Variants in NCOA3 observed in about 807,000 individuals in gnomAD.
The protein encoded by NCOA3 is nuclear receptor coactivator 3, also known as CBP-interacting protein.
A neutral mutation model predicts 158.8 loss-of-function variants in NCOA3; 51 were observed. The observed-to-expected ratio is 0.32, with a 90% CI of 0.26 to 0.41. NCOA3 has a LOEUF of 0.41. Among genes scored for constraint, NCOA3 ranks in the 10% least tolerant of loss-of-function variants. The pLI, the probability that NCOA3 is intolerant of heterozygous loss-of-function variation, is 1.00. For missense variants in NCOA3, 1,510 were observed against 1,746.6 expected (o/e 0.86, Z 2.41); for synonymous variants, 537 against 592.4 (o/e 0.91, Z 1.36).
chr20:47,544,135 A>C (rs1290300967), intron 1 of NCOA3, among the ~76,000 whole-genome samples: 1 of 152,124 alleles, frequency 6.6e-6, no homozygotes, highest in African/African-American at 2.4e-5. Flanking sequence ...TTAACTAAGT[A>C]GCAGATATTG....
chr20:47,609,265 C>T (rs1049211422), intron 2 of NCOA3, among the ~76,000 whole-genome samples: 2 of 152,148 alleles, frequency 1.3e-5, no homozygotes, highest in African/African-American at 4.8e-5. Flanking sequence ...GATACTATTT[C>T]CTTTTTCTAT....
chr20:47,507,219 TTA>T (rs1455088476), intron 1 of NCOA3, among the ~76,000 whole-genome samples: 1 of 152,254 alleles, frequency 6.6e-6, no homozygotes, highest in Non-Finnish European at 1.5e-5. Flanking sequence ...TGTACTGGGA[TTA>T]GACTTTATTA....
intron 20 of NCOA3, 35 bp downstream of exon 20, chr20:47,651,311 T>C (rs530511640): frequency 1.3e-6 from 2 of 1,574,858 alleles, no homozygotes; most frequent in South Asian, 2.4e-5. Context: ...CTTCCCCAAG[T>C]TAACATTACT....
Position 47,553,389 on chromosome 20 carries a change from AT to A in NCOA3, c.-98-29784del, listed in dbSNP as rs201200892. Among the ~76,000 whole-genome samples the A allele has an allele frequency of 3.4e-3, 512 of 150,932 alleles. 4 individuals carry two copies. The highest frequency in any genetic ancestry group is 0.01 in the Middle Eastern group (3 of 294). ...TCAAGATACTTTTACACTCTTGAAAATTTTTTTTTTAAATTATTATTATTAT... is the reference window on the plus strand; with the variant it reads ...TCAAGATACTTTTACACTCTTGAAAATTTTTTTTTAAATTATTATTATTAT... On this transcript the variant is annotated intron_variant, in intron 1 of 22. Coordinates refer to ENST00000371998, the MANE Select transcript of NCOA3 (RefSeq NM_181659.3).
chr20:47,502,027 G>A lies in NCOA3; in HGVS notation c.-99+8G>A. 1 of 399,140 alleles carries A rather than the reference G, an allele frequency of 2.5e-6. No individual in the cohort carries two copies. Among genetic ancestry groups the A allele is most frequent in the Non-Finnish European group, 4.4e-6 (1 of 226,270 alleles). 24.7% of individuals were successfully genotyped at this position (399,140 alleles called of 1,614,324 possible). A position where few individuals can be genotyped will look rare whatever the true frequency, so the allele number is the denominator to read the frequency against. ...GGAAAATGGCGGCGGGAGGTGAGTG[G>A]AGATAAAGGAGGAGGCGGTGGCGGG... On this transcript the variant is annotated splice_region_variant and intron_variant, in intron 1 of 22. Coordinates refer to ENST00000371998, the MANE Select transcript of NCOA3 (RefSeq NM_181659.3).
chr20:47,625,318 C>T (rs1410149269), intron 4 of NCOA3, 63 bp from the exon 5 acceptor site: 16 of 1,116,172 alleles, frequency 1.4e-5, no homozygotes, highest in South Asian at 8.8e-5. Context: ...GGGGACTATT[C>T]GAAGGTGATT....
chr20:47,644,200 C>T (rs1249195098), intron 17 of NCOA3, among the ~76,000 whole-genome samples: 5 of 151,148 alleles, frequency 3.3e-5, no homozygotes, highest in Admixed American at 2.6e-4. Context: ...AGTGCAGTGG[C>T]GTGATCTTGG....
chr20:47,531,622 C>T (rs1047825778), intron 1 of NCOA3, among the ~76,000 whole-genome samples: 4 of 152,146 alleles, frequency 2.6e-5, no homozygotes, highest in African/African-American at 9.7e-5. Flanking sequence ...CTGTGATCTG[C>T]TCCTCCCTTG....
chr20:47,588,327 G>T (rs1730504946), intron 2 of NCOA3, among the ~76,000 whole-genome samples: 1 of 151,126 alleles, frequency 6.6e-6, no homozygotes, highest in Admixed American at 6.6e-5. Flanking sequence ...TAGAGACAGG[G>T]TCTCACCACG....
At chr20:47,608,777 G>C (rs186050868) in intron 2 of NCOA3, among the ~76,000 whole-genome samples, 1 of 152,102 alleles carries the variant, frequency 6.6e-6, no homozygotes, top group East Asian at 1.9e-4. Flanking sequence ...AGATCAAAAG[G>C]CTTGAAATCT....
chr20:47,532,151 C>T (rs1029984088), intron 1 of NCOA3, among the ~76,000 whole-genome samples: 13 of 104,428 alleles, frequency 1.2e-4, no homozygotes, highest in Non-Finnish European at 1.5e-4. Context: ...GCAGGGTTTA[C>T]GTTTTAGATA....
At chr20:47,595,885 A>G (rs2085747095) in intron 2 of NCOA3, among the ~76,000 whole-genome samples, 1 of 152,182 alleles carries the variant, frequency 6.6e-6, no homozygotes, top group South Asian at 2.1e-4. Flanking sequence ...TAGGGCTGTC[A>G]GGAGGATTAA....
At chr20:47,606,304 T>C (rs1441746554) in intron 2 of NCOA3, among the ~76,000 whole-genome samples, 2 of 152,238 alleles carry the variant, frequency 1.3e-5, no homozygotes, top group Admixed American at 6.5e-5. Flanking sequence ...TGGTTAAGAC[T>C]ATTCTCATAA....
intron 2 of NCOA3, among the ~76,000 whole-genome samples, chr20:47,605,033 A>ATG: frequency 6.6e-6 from 1 of 152,046 alleles, no homozygotes; most frequent in Non-Finnish European, 1.5e-5. Flanking sequence ...ACCCCCGGCC[A>ATG]ATCTTTGTAT....
chr20:47,578,948 C>CT (rs2085412503), intron 1 of NCOA3, among the ~76,000 whole-genome samples: 2 of 152,138 alleles, frequency 1.3e-5, no homozygotes, highest in African/African-American at 2.4e-5. Flanking sequence ...TCAGTGGCTG[C>CT]TTTTTGCCCT....
At chr20:47,520,864 A>G (rs1025785783) in intron 1 of NCOA3, among the ~76,000 whole-genome samples, 1 of 152,130 alleles carries the variant, frequency 6.6e-6, no homozygotes, top group African/African-American at 2.4e-5. Flanking sequence ...TATAAATCCC[A>G]CGGCAGGATC....
chr20:47,518,411 T>A lies in NCOA3; in HGVS notation c.-99+16392T>A, dbSNP rs182483472. 4.5e-3 allele frequency among the ~76,000 whole-genome samples: 644 copies of A among 144,062 alleles called. 5 individuals carry two copies. The highest frequency in any genetic ancestry group is 0.016 in the African/African-American group (624 of 38,030). The allele number at this position is 144,062 out of a possible 152,430, so 94.5% of individuals were successfully genotyped here. A position where few individuals can be genotyped will look rare whatever the true frequency, so the allele number is the denominator to read the frequency against. On this transcript the variant is annotated intron_variant, in intron 1 of 22. Transcript: ENST00000371998. ...AATTGAAAAAAATAATAGAGGATTTTCTTTTTCTGTTTTTTTTTTTTTTTT... is the reference window on the plus strand; with the variant it reads ...AATTGAAAAAAATAATAGAGGATTTACTTTTTCTGTTTTTTTTTTTTTTTT...
intron 1 of NCOA3, 93 bp downstream of exon 1, chr20:47,502,112 A>T (rs1055278469): frequency 2.5e-6 from 1 of 398,472 alleles, no homozygotes; most frequent in Non-Finnish European, 4.4e-6. Context: ...TGCGAGAGCC[A>T]GCGGCTTCAG....
intron 1 of NCOA3, among the ~76,000 whole-genome samples, chr20:47,506,461 G>T (rs955243691): frequency 1.3e-5 from 2 of 152,194 alleles, no homozygotes; most frequent in Non-Finnish European, 2.9e-5. Flanking sequence ...GAGACCTGCA[G>T]TGTGTAGAAG....
Sources: allele counts gnomAD v4.1 joint callset (sites outside exome capture counted in the v4.1 genomes callset), GRCh38; gene constraint gnomAD v4.1.1; transcripts MANE v1.5; gene names NCBI Gene and HGNC (gene_info 2026-07-23, HGNC 2026-07-21).